The following NFIB variants were observed in gnomAD, a reference collection of about 807,000 sequenced individuals.
NFIB encodes the protein nuclear factor I B, also known as nuclear factor 1 B-type.
In NFIB, 11 loss-of-function variants were observed where a neutral mutation model predicts 61.5. The observed-to-expected ratio is 0.18, with a 90% CI of 0.11 to 0.30. The LOEUF is 0.30. Ranked by LOEUF, NFIB falls within the 10% of genes least tolerant of loss-of-function variation. The pLI is 1.00. For synonymous variants in NFIB, 260 were observed against 216.5 expected (o/e 1.20, Z -1.76); for missense variants, 471 against 608.9 (o/e 0.77, Z 2.38).
intron 5 of NFIB, among the ~76,000 whole-genome samples, chr9:14,147,695 A>G (rs1049665395): frequency 2.9e-5 from 4 of 136,720 alleles, no homozygotes; most frequent in Middle Eastern, 4.5e-3. Flanking sequence ...GATGTAGTAC[A>G]CTGTGGCTCA....
Position 14,175,471 on chromosome 9 carries a change from G to A in NFIB, c.616+4256C>T, listed in dbSNP as rs748062812. Among the ~76,000 whole-genome samples, 211 of 152,236 alleles carry A rather than the reference G, an allele frequency of 1.4e-3. 2 individuals are homozygous for A. The highest frequency in any genetic ancestry group is 2.6e-3 in the Non-Finnish European group (176 of 68,012). On this transcript the variant is annotated intron_variant, in intron 3 of 10. Coordinates refer to ENST00000380953, the MANE Select transcript of NFIB (RefSeq NM_001190737.2). ...TTACAGGCGTAAGACACCACGCCCA[G>A]CCAGCGACTTAAAGAATTTCTTAAG...
At chr9:14,377,087 C>T (rs1033737794) in intron 1 of NFIB, among the ~76,000 whole-genome samples, 14 of 152,116 alleles carry the variant, frequency 9.2e-5, no homozygotes, top group South Asian at 2.1e-4. Flanking sequence ...AATAAGTAAA[C>T]GGTTTGTGGG....
the NFIB span, among the ~76,000 whole-genome samples, chr9:14,422,787 G>C: frequency 6.6e-6 from 1 of 152,146 alleles, no homozygotes; most frequent in Non-Finnish European, 1.5e-5. Context: ...AGAGTGCTGT[G>C]TTCCCAGCCC....
At chr9:14,278,831 G>A (rs2058178189) in intron 2 of NFIB, among the ~76,000 whole-genome samples, 1 of 152,106 alleles carries the variant, frequency 6.6e-6, no homozygotes, top group African/African-American at 2.4e-5. Context: ...GTATTTTCCA[G>A]CAGTAGAACT....
intron 7 of NFIB, among the ~76,000 whole-genome samples, chr9:14,124,692 T>C (rs1385588562): frequency 2.0e-5 from 3 of 152,152 alleles, no homozygotes; most frequent in African/African-American, 7.2e-5. Context: ...AAGTACACAG[T>C]GTTAATTATT....
chr9:14,438,415 G>A, the NFIB span, among the ~76,000 whole-genome samples: 3 of 152,096 alleles, frequency 2.0e-5, no homozygotes, highest in East Asian at 3.9e-4. Context: ...AGAGAACAAC[G>A]CATTATTTTC....
At chr9:14,402,672 G>GA (rs1379416617), upstream of NFIB, among the ~76,000 whole-genome samples, 1 of 151,904 alleles carries the variant, frequency 6.6e-6, no homozygotes, top group Non-Finnish European at 1.5e-5. Context: ...ATTTACATTT[G>GA]AAAAAATTTG....
chr9:14,306,036 A>AT (rs1199815569), intron 2 of NFIB: 1 of 915,136 alleles, frequency 1.1e-6, no homozygotes, highest in Admixed American at 3.2e-5. Flanking sequence ...AGGAAAATAT[A>AT]TTAAGAAAAA....
At chr9:14,443,628 A>T in the NFIB span, among the ~76,000 whole-genome samples, 2 of 152,220 alleles carry the variant, frequency 1.3e-5, no homozygotes, top group Non-Finnish European at 2.9e-5. Context: ...TCTCGGAGAT[A>T]TCTCTTCATC....
At chr9:14,361,490 C>T (rs2061240568) in intron 1 of NFIB, 1 of 152,162 alleles carries the variant, frequency 6.6e-6, no homozygotes, top group Non-Finnish European at 1.5e-5. Context: ...TTTTCATGAA[C>T]AAGCAAGCAA....
At chr9:14,238,111 T>C (rs564083385) in intron 2 of NFIB, among the ~76,000 whole-genome samples, 1 of 151,908 alleles carries the variant, frequency 6.6e-6, no homozygotes, top group Non-Finnish European at 1.5e-5. Context: ...TGGGGGCACA[T>C]GTAATTTAAG....
chr9:14,316,136 T>C (rs1269463467), upstream of NFIB, among the ~76,000 whole-genome samples: 1 of 152,190 alleles, frequency 6.6e-6, no homozygotes, highest in Admixed American at 6.5e-5. Flanking sequence ...GTGGGAGTTA[T>C]CCACATCAAG....
At chr9:14,461,303 T>G in the NFIB span, among the ~76,000 whole-genome samples, 1 of 152,270 alleles carries the variant, frequency 6.6e-6, no homozygotes, top group Non-Finnish European at 1.5e-5. Context: ...AATCCAACTA[T>G]GAGGTGGCAA....
the NFIB span, among the ~76,000 whole-genome samples, chr9:14,432,761 G>A: frequency 2.6e-5 from 4 of 152,160 alleles, no homozygotes; most frequent in African/African-American, 4.8e-5. Flanking sequence ...AAATAGTCTT[G>A]AAAGTGGGTA....
chr9:14,296,235 T>C (rs946271499), intron 2 of NFIB, among the ~76,000 whole-genome samples: 1 of 152,230 alleles, frequency 6.6e-6, no homozygotes, highest in Non-Finnish European at 1.5e-5. Flanking sequence ...ATTGCTATTA[T>C]TAACATTATT....
intron 10 of NFIB, among the ~76,000 whole-genome samples, chr9:14,104,750 A>T (rs972077644): frequency 1.8e-4 from 26 of 141,408 alleles, no homozygotes; most frequent in Admixed American, 1.8e-3. Context: ...CTGGCTAATT[A>T]AAAAAAAAAA....
At chr9:14,314,215 G>A, upstream of NFIB, 2 of 853,930 alleles carry the variant, frequency 2.3e-6, no homozygotes, top group Non-Finnish European at 2.8e-6. Context: ...GGGAGAGGCC[G>A]GGGTGAGGGA....
At chr9:14,283,713 T>G (rs1287547890) in intron 2 of NFIB, among the ~76,000 whole-genome samples, 1 of 152,242 alleles carries the variant, frequency 6.6e-6, no homozygotes, top group East Asian at 1.9e-4. Context: ...AGTCAGTATG[T>G]TTAAATGTTG....
chr9:14,436,823 G>T, the NFIB span, among the ~76,000 whole-genome samples: 1 of 152,138 alleles, frequency 6.6e-6, no homozygotes, highest in Non-Finnish European at 1.5e-5. Flanking sequence ...GAATCTTAAG[G>T]ATTCAGTGGA....
Sources: allele counts gnomAD v4.1 joint callset (sites outside exome capture counted in the v4.1 genomes callset), GRCh38; gene constraint gnomAD v4.1.1; transcripts MANE v1.5; gene names NCBI Gene and HGNC (gene_info 2026-07-23, HGNC 2026-07-21).